The following DENR variants were observed in gnomAD, a reference collection of about 807,000 sequenced individuals.
The protein encoded by DENR is density regulated re-initiation and release factor, also known as density-regulated protein.
DENR carries 6 observed loss-of-function variants against 30.6 expected under a neutral mutation model. The observed-to-expected ratio is 0.20, with a 90% confidence interval of 0.11 to 0.39. The LOEUF (loss-of-function observed/expected upper bound fraction) is 0.39, where lower values mean the gene tolerates loss of function less well. Among genes scored for constraint, DENR ranks in the 10% least tolerant of loss-of-function variants. The pLI, the probability that DENR is intolerant of heterozygous loss-of-function variation, is 1.00. For missense variants in DENR, 141 were observed against 230.9 expected (o/e 0.61, Z 2.52); for synonymous variants, 78 against 72.1 (o/e 1.08, Z -0.41).
At chr12:122,762,774 G>T in intron 3 of DENR, 71 bp from the exon 4 acceptor site, 1 of 1,040,396 alleles carries the variant, frequency 9.6e-7, no homozygotes, top group Non-Finnish European at 1.4e-6. Flanking sequence ...TATAGGGGGT[G>T]ATTTTTAATT....
rs1396983370 is a variant in DENR, at chr12:122,762,210, A to G, written c.126+4A>G. 2 of 1,425,360 alleles carry G rather than the reference A, an allele frequency of 1.4e-6. No individual in the cohort carries two copies. The highest frequency in any genetic ancestry group is 1.9e-6 in the Non-Finnish European group (2 of 1,050,126). The allele number at this position is 1,425,360 out of a possible 1,614,324, so 88.3% of individuals were successfully genotyped here. ...AGTCTGTTCATTACCAACAGAGGTAAGTTCTTTAATTTTTTTTTTTACCTT... is the reference window on the plus strand; with the variant it reads ...AGTCTGTTCATTACCAACAGAGGTAGGTTCTTTAATTTTTTTTTTTACCTT... On this transcript the variant is annotated splice_donor_region_variant and intron_variant, in intron 3 of 7. Transcript: ENST00000280557.
At chr12:122,765,472 C>G in intron 5 of DENR, 85 bp downstream of exon 5, 1 of 1,272,406 alleles carries the variant, frequency 7.9e-7, no homozygotes, top group South Asian at 1.4e-5. Context: ...GTTCCCAAAG[C>G]TAGGCACAAT....
rs1349063278 is a variant in DENR, at chr12:122,770,261, A to G, written c.*1183A>G. 1 of 175,856 alleles carries G rather than the reference A, an allele frequency of 5.7e-6. No individual in the cohort carries two copies. Among genetic ancestry groups the G allele is most frequent in the Non-Finnish European group, 1.2e-5 (1 of 84,308 alleles). The allele number at this position is 175,856 out of a possible 1,614,324, so 10.9% of individuals were successfully genotyped here. On this transcript the variant is annotated 3_prime_UTR_variant, in exon 8 of 8. Coordinates refer to ENST00000280557, the MANE Select transcript of DENR (RefSeq NM_003677.5). ...ATATTATTTATAATAAAAAATTGCA[A>G]ATGTTATAAATGAACAATTGGGAAA...
At chr12:122,757,971 T>C (rs932531615) in intron 2 of DENR, among the ~76,000 whole-genome samples, 2 of 152,160 alleles carry the variant, frequency 1.3e-5, no homozygotes, top group African/African-American at 4.8e-5. Flanking sequence ...GTGTGCAAAG[T>C]TAGTGATTTT....
intron 2 of DENR, among the ~76,000 whole-genome samples, chr12:122,758,854 A>AT (rs200269986): frequency 2.6e-5 from 1 of 38,170 alleles, no homozygotes; most frequent in South Asian, 9.3e-4. Flanking sequence ...TTATTTATTT[A>AT]TTTTTTTTTT....
At chr12:122,753,671 G>C in intron 1 of DENR, 22 bp from the exon 2 acceptor site, 2 of 1,568,956 alleles carry the variant, frequency 1.3e-6, no homozygotes, top group Non-Finnish European at 1.8e-6. Context: ...TAGTGAGGGT[G>C]TGTTATTTTC....
chr12:122,757,378 C>G (rs553943684), intron 2 of DENR, among the ~76,000 whole-genome samples: 6 of 152,250 alleles, frequency 3.9e-5, no homozygotes, highest in Admixed American at 3.9e-4. Flanking sequence ...AACATTTTAA[C>G]AGGTGAGTTA....
In DENR at chr12:122,762,855, A is replaced by G. The variant is rs1593762304; in HGVS notation, c.137A>G (p.Tyr46Cys). ...TTTTTTTTCTCCTAGTACTGTGAAT[A>G]TATGCCTGATGTTGCTAAATGTAGA... Reference protein sequence around the residue: ...VCSLPTEYCEYMPDVAKCRQW... With the variant: ...VCSLPTEYCECMPDVAKCRQW... The change falls in exon 4 of 8, where the codon TAT (tyrosine) becomes TGT (cysteine). Residue 46 changes from tyrosine (Y) to cysteine (C), a missense_variant. Physicochemically the swap from Tyr to Cys is radical, Grantham distance 194. Coordinates refer to ENST00000280557, the MANE Select transcript of DENR (RefSeq NM_003677.5). The G allele has an allele frequency of 6.5e-7, 1 of 1,544,154 alleles. No individual in the cohort carries two copies. The highest frequency in any genetic ancestry group is 8.7e-7 in the Non-Finnish European group (1 of 1,143,870).
intron 2 of DENR, among the ~76,000 whole-genome samples, chr12:122,759,207 A>T (rs945372884): frequency 6.6e-6 from 1 of 152,212 alleles, no homozygotes; most frequent in African/African-American, 2.4e-5. Context: ...ATGATGTTTC[A>T]TTCATCATGT....
chr12:122,769,147 T>TAA lies in DENR; in HGVS notation c.*69_*70insAA, dbSNP rs1878929788. The TAA allele has an allele frequency of 6.9e-7, 1 of 1,450,368 alleles. No individual in the cohort carries two copies. Among genetic ancestry groups the TAA allele is most frequent in the East Asian group, 2.5e-5 (1 of 39,818 alleles). 89.8% of individuals were successfully genotyped at this position (1,450,368 alleles called of 1,614,324 possible). A position where few individuals can be genotyped will look rare whatever the true frequency, so the allele number is the denominator to read the frequency against. On this transcript the variant is annotated 3_prime_UTR_variant, in exon 8 of 8. Coordinates refer to ENST00000280557, the MANE Select transcript of DENR (RefSeq NM_003677.5). ...ATATGGCCAAAGGGAGAGAGGCCTT[T>TAA]TAAAATATATATATATATACACATA... is the stretch of plus-strand genomic sequence containing the variant.
Position 122,769,272 on chromosome 12 carries a change from G to GTATACATATATACACATATATA in DENR, c.*215_*216insATATACATATATACACATATAT. On this transcript the variant is annotated 3_prime_UTR_variant, in exon 8 of 8. Transcript: ENST00000280557. ...TATATATATATACATACACATATAT[G>GTATACATATATACACATATATA]TATACATATATACACATATATGTAT... is the stretch of plus-strand genomic sequence containing the variant. 1 of 775,252 alleles carries GTATACATATATACACATATATA rather than the reference G, an allele frequency of 1.3e-6. No individual in the cohort carries two copies. Among genetic ancestry groups the GTATACATATATACACATATATA allele is most frequent in the Admixed American group, 6.0e-5 (1 of 16,770 alleles). 48.0% of individuals were successfully genotyped at this position (775,252 alleles called of 1,614,324 possible).
chr12:122,768,750 A>G (rs1333406812), intron 6 of DENR, 32 bp from the exon 7 acceptor site: 2 of 1,503,370 alleles, frequency 1.3e-6, no homozygotes, highest in African/African-American at 2.8e-5. Flanking sequence ...TTCCAATTAC[A>G]GTTCTTGCTC....
intron 6 of DENR, 33 bp from the exon 7 acceptor site, chr12:122,768,748 AC>A: frequency 6.7e-7 from 1 of 1,501,126 alleles, no homozygotes; most frequent in South Asian, 1.3e-5. Context: ...AATTCCAATT[AC>A]AGTTCTTGCT....
intron 5 of DENR, among the ~76,000 whole-genome samples, chr12:122,766,294 A>G (rs868476901): frequency 3.3e-5 from 5 of 152,144 alleles, no homozygotes; most frequent in Middle Eastern, 3.4e-3. Flanking sequence ...TTCCTGAAAC[A>G]TTGTCCCTCC....
In DENR at chr12:122,769,534, TC is replaced by T. The variant is rs1451794626; in HGVS notation, c.*457del. ...TCTCTCTTTTTTTTTTTTGACAGAG[TC>T]TCGCACTGTTGCCTGGGCTGGAATG... On this transcript the variant is annotated 3_prime_UTR_variant, in exon 8 of 8. Coordinates refer to ENST00000280557, the MANE Select transcript of DENR (RefSeq NM_003677.5). 1 of 946,982 alleles carries T rather than the reference TC, an allele frequency of 1.1e-6. No individual in the cohort carries two copies. Among genetic ancestry groups the T allele is most frequent in the Non-Finnish European group, 1.3e-6 (1 of 788,160 alleles). The allele number at this position is 946,982 out of a possible 1,614,324, so 58.7% of individuals were successfully genotyped here. A position where few individuals can be genotyped will look rare whatever the true frequency, so the allele number is the denominator to read the frequency against.
rs575233567 is a variant in DENR, at chr12:122,756,500, TC to T, written c.106+2694del. Among the ~76,000 whole-genome samples the T allele has an allele frequency of 9.9e-5, 15 of 151,972 alleles. No homozygotes were observed. The East Asian group carries it at 2.7e-3, about 27-fold the overall frequency. On this transcript the variant is annotated intron_variant, in intron 2 of 7. Transcript: ENST00000280557. ...AGATTAAGGACTAATAGCTGCAGTG[TC>T]AGTACAGGAGGGGAGAGATTTGTAG... is the stretch of plus-strand genomic sequence containing the variant.
rs889436004 is a variant in DENR, at chr12:122,762,704, G to C, written c.127-141G>C. On this transcript the variant is annotated intron_variant, in intron 3 of 7. Coordinates refer to ENST00000280557, the MANE Select transcript of DENR (RefSeq NM_003677.5). ...ATGGGACATATCGTGGTTGAATACA[G>C]ATTTCCTGTGGATAAGAAGTCAGAT... 4.4e-5 allele frequency: 28 copies of C among 639,650 alleles called. No individual in the cohort carries two copies. The East Asian group carries it at 5.0e-4, about 11-fold the overall frequency. 39.6% of individuals were successfully genotyped at this position (639,650 alleles called of 1,614,324 possible).
chr12:122,754,949 TGA>T (rs538554587), intron 2 of DENR, among the ~76,000 whole-genome samples: 3 of 152,152 alleles, frequency 2.0e-5, no homozygotes, highest in Non-Finnish European at 4.4e-5. Context: ...ATTTCACAAT[TGA>T]GAGAGTTGAA....
Position 122,765,359 on chromosome 12 carries a change from A to C in DENR, c.267A>C (p.Glu89Asp), listed in dbSNP as rs1214572772. 3.2e-6 allele frequency: 5 copies of C among 1,551,994 alleles called. No individual in the cohort carries two copies. The highest frequency in any genetic ancestry group is 4.4e-6 in the Non-Finnish European group (5 of 1,147,082). ...GISEGQGTAG[E>D]EEEKKKQKRG... ...GTGAGGGTCAAGGAACAGCAGGGGAAGAAGAGGAGAAGAAAAAACAGAAGA... is the reference window on the plus strand; with the variant it reads ...GTGAGGGTCAAGGAACAGCAGGGGACGAAGAGGAGAAGAAAAAACAGAAGA... Residue 89 changes from glutamate to aspartate, a missense_variant, in exon 5 of 8, where the codon GAA becomes GAC. This residue lies in a region of DENR where 104 missense variants were observed against 138.3 expected (regional missense o/e 0.75). Coordinates refer to ENST00000280557, the MANE Select transcript of DENR (RefSeq NM_003677.5).
Sources: allele counts gnomAD v4.1 joint callset (sites outside exome capture counted in the v4.1 genomes callset), GRCh38; gene constraint gnomAD v4.1.1; regional missense constraint gnomAD v4.1.1; transcripts MANE v1.5; gene names NCBI Gene and HGNC (gene_info 2026-07-23, HGNC 2026-07-21).